Variants in DENND5B observed in about 807,000 individuals in gnomAD.
DENND5B encodes the protein DENN domain containing 5B.
In DENND5B, 34 loss-of-function variants were observed where a neutral mutation model predicts 140.6. The ratio of observed to expected loss-of-function variants is 0.24; its 90% CI spans 0.18 to 0.32. DENND5B has a LOEUF of 0.32. Ranked by LOEUF, DENND5B falls within the 10% of genes least tolerant of loss-of-function variation. The pLI is 1.00. For synonymous variants in DENND5B, 551 were observed against 562.1 expected (o/e 0.98, Z 0.28); for missense variants, 1,142 against 1,560.2 (o/e 0.73, Z 4.52).
intron 1 of DENND5B, among the ~76,000 whole-genome samples, chr12:31,545,264 G>A (rs939198700): frequency 2.0e-5 from 3 of 152,052 alleles, no homozygotes; most frequent in African/African-American, 4.8e-5. Flanking sequence ...TTTAGATACA[G>A]GGGGTACAGG....
At chr12:31,485,827 C>T (rs1185504560) in intron 2 of DENND5B, among the ~76,000 whole-genome samples, 1 of 152,106 alleles carries the variant, frequency 6.6e-6, no homozygotes, top group Non-Finnish European at 1.5e-5. Context: ...TAGCCTGAAG[C>T]TGCCTGACTG....
At chr12:31,395,842 C>G (rs1260885471) in intron 17 of DENND5B, among the ~76,000 whole-genome samples, 1 of 27,934 alleles carries the variant, frequency 3.6e-5, no homozygotes, top group Non-Finnish European at 6.1e-5. Flanking sequence ...CTGTGGCTGC[C>G]TTCTGTGGCT....
At chr12:31,553,168 T>C (rs1267584909) in intron 1 of DENND5B, among the ~76,000 whole-genome samples, 1 of 152,230 alleles carries the variant, frequency 6.6e-6, no homozygotes, top group Non-Finnish European at 1.5e-5. Context: ...GTGTCAATTT[T>C]AGATCTTTCC....
At chr12:31,431,938 A>T in intron 8 of DENND5B, 2 of 452,618 alleles carry the variant, frequency 4.4e-6, no homozygotes, top group Non-Finnish European at 2.9e-6. Flanking sequence ...AGGTCATGTG[A>T]GGCATTCTAG....
chr12:31,414,921 C>A (rs1260919553), intron 12 of DENND5B, among the ~76,000 whole-genome samples: 357 of 109,260 alleles, frequency 3.3e-3, no homozygotes, highest in Middle Eastern at 5.0e-3. Context: ...GACGCCATCT[C>A]AAAAAAAAAA....
chr12:31,397,254 A>AT (rs1941523554), intron 17 of DENND5B, among the ~76,000 whole-genome samples: 1 of 152,100 alleles, frequency 6.6e-6, no homozygotes, highest in Non-Finnish European at 1.5e-5. Context: ...ATCTCTTAGA[A>AT]TAAGAGACAC....
chr12:31,459,247 T>C (rs190044907), intron 4 of DENND5B, among the ~76,000 whole-genome samples: 85 of 152,138 alleles, frequency 5.6e-4, no homozygotes, highest in African/African-American at 1.5e-3. Context: ...CTAGGAGGTG[T>C]TACTATTCTT....
At chr12:31,429,406 A>C (rs2682671) in intron 8 of DENND5B, among the ~76,000 whole-genome samples, 28,303 of 152,076 alleles carry the variant, frequency 0.19, 2,942 homozygotes, top group Non-Finnish European at 0.25. Flanking sequence ...TTATTTATTT[A>C]TTATTATTAT....
rs575379171 is a variant in DENND5B, at chr12:31,484,042, G to A, written c.238-3787C>T. 1.0e-4 allele frequency among the ~76,000 whole-genome samples: 15 copies of A among 150,576 alleles called. No homozygotes were observed. The South Asian group carries it at 2.8e-3, about 28-fold the overall frequency. ...CTAATTTTGTGTTTTTAGTAGAGAC[G>A]GGGTTTCACCATTTTTGGCCAGGCT... On this transcript the variant is annotated intron_variant, in intron 2 of 20. Coordinates refer to ENST00000389082, the MANE Select transcript of DENND5B (RefSeq NM_144973.4).
chr12:31,447,203 G>A (rs765502317), intron 6 of DENND5B, among the ~76,000 whole-genome samples: 2 of 151,962 alleles, frequency 1.3e-5, no homozygotes, highest in African/African-American at 2.4e-5. Flanking sequence ...CCCAGGAGGC[G>A]GAGGTTGCAG....
chr12:31,479,803 G>A lies in DENND5B; in HGVS notation c.690C>T (p.His230=). 1 of 1,613,358 alleles carries A rather than the reference G, an allele frequency of 6.2e-7. No individual in the cohort carries two copies. The highest frequency in any genetic ancestry group is 8.5e-7 in the Non-Finnish European group (1 of 1,179,586). ...GAAGGGGTACTTCATAAAGAATATT[G>A]TGGATATAGCTTTCAAGTGGCAAGG... ...PPPLPLESYI[H]NILYEVPLPP... is the part of the protein sequence containing the mutation. The change falls in exon 3 of 21, where the codon CAC becomes CAT. Residue 230 remains histidine (H), a synonymous_variant. Transcript: ENST00000389082.
chr12:31,496,151 C>T (rs1038669114), intron 1 of DENND5B, among the ~76,000 whole-genome samples: 67 of 152,126 alleles, frequency 4.4e-4, no homozygotes, highest in African/African-American at 1.6e-3. Context: ...TCAACTGATA[C>T]TAAAAATCAA....
At chr12:31,471,720 T>C (rs1945571437) in intron 3 of DENND5B, among the ~76,000 whole-genome samples, 1 of 152,142 alleles carries the variant, frequency 6.6e-6, no homozygotes, top group Admixed American at 6.6e-5. Flanking sequence ...TATTTTTAAA[T>C]GCTGCAGCGT....
At chr12:31,412,004 C>T (rs1942487379) in intron 13 of DENND5B, among the ~76,000 whole-genome samples, 3 of 152,188 alleles carry the variant, frequency 2.0e-5, no homozygotes, top group East Asian at 1.9e-4. Flanking sequence ...GACAGGGTCT[C>T]GCTCTGTTGC....
intron 1 of DENND5B, chr12:31,499,728 G>C (rs1430443003): frequency 7.5e-7 from 1 of 1,328,962 alleles, no homozygotes; most frequent in Non-Finnish European, 9.8e-7. Flanking sequence ...CAAACAAAAA[G>C]CAAAAATGAC....
intron 1 of DENND5B, among the ~76,000 whole-genome samples, chr12:31,588,910 A>G (rs759347753): frequency 1.3e-5 from 2 of 152,252 alleles, no homozygotes; most frequent in Non-Finnish European, 2.9e-5. Flanking sequence ...AATACATTAA[A>G]TATTATGAGA....
intron 7 of DENND5B, among the ~76,000 whole-genome samples, chr12:31,438,704 G>A (rs1943891933): frequency 6.6e-6 from 1 of 151,942 alleles, no homozygotes; most frequent in East Asian, 1.9e-4. Flanking sequence ...AGACCTGGGT[G>A]TAGATCTTTG....
At chr12:31,575,496 A>T (rs1286974925) in intron 1 of DENND5B, among the ~76,000 whole-genome samples, 1 of 152,210 alleles carries the variant, frequency 6.6e-6, no homozygotes. Context: ...GTCCTGATCT[A>T]CAGCAATAAA....
chr12:31,523,689 T>C (rs1158316599), intron 1 of DENND5B, among the ~76,000 whole-genome samples: 1 of 151,888 alleles, frequency 6.6e-6, no homozygotes, highest in African/African-American at 2.4e-5. Flanking sequence ...CTTTATGTTA[T>C]ATAAATTTTG....
Sources: allele counts gnomAD v4.1 joint callset (sites outside exome capture counted in the v4.1 genomes callset), GRCh38; gene constraint gnomAD v4.1.1; transcripts MANE v1.5; gene names NCBI Gene and HGNC (gene_info 2026-07-23, HGNC 2026-07-21).